Variants in ANKS1B observed in about 807,000 individuals in gnomAD.
The protein encoded by ANKS1B is ankyrin repeat and sterile alpha motif domain containing 1B.
In ANKS1B, 36 loss-of-function variants were observed where a neutral mutation model predicts 148.3. The ratio of observed to expected loss-of-function variants is 0.24; its 90% CI spans 0.19 to 0.32. The LOEUF (loss-of-function observed/expected upper bound fraction) is 0.32. ANKS1B is among the 10% of genes least tolerant of loss of function. The probability of loss-of-function intolerance (pLI) is 1.00; values close to 1 mark genes in which losing one functional copy is unlikely to be tolerated. For missense variants in ANKS1B, 1,157 were observed against 1,542.6 expected, an observed-to-expected ratio of 0.75 and a Z score of 4.19; for synonymous variants, 542 against 560.8, an observed-to-expected ratio of 0.97 and a Z score of 0.47.
chr12:99,091,826 C>T (rs2054105154), intron 15 of ANKS1B, among the ~76,000 whole-genome samples: 1 of 152,052 alleles, frequency 6.6e-6, no homozygotes, highest in Non-Finnish European at 1.5e-5. Context: ...TAGCTTGTTC[C>T]CATAGCTGAT....
intron 25 of ANKS1B, among the ~76,000 whole-genome samples, chr12:98,756,084 C>T (rs1217558587): frequency 6.6e-6 from 1 of 152,178 alleles, no homozygotes; most frequent in Non-Finnish European, 1.5e-5. Context: ...GATGCGGTGA[C>T]TCACGCCTGT....
At chr12:98,780,966 T>A in intron 24 of ANKS1B, 151 bp downstream of exon 24, 1 of 580,830 alleles carries the variant, frequency 1.7e-6, no homozygotes, top group Non-Finnish European at 3.1e-6. Flanking sequence ...TACATGAGCG[T>A]GTATCTATAG....
intron 8 of ANKS1B, among the ~76,000 whole-genome samples, chr12:99,733,487 C>T (rs970823439): frequency 6.6e-6 from 1 of 152,162 alleles, no homozygotes; most frequent in African/African-American, 2.4e-5. Context: ...GCAAAGCTAA[C>T]ATTTGAGGAG....
intron 12 of ANKS1B, among the ~76,000 whole-genome samples, chr12:99,326,764 T>A (rs1390187198): frequency 1.3e-5 from 2 of 151,422 alleles, no homozygotes; most frequent in East Asian, 3.9e-4. Context: ...ACCTGATATA[T>A]GGCACTTGAT....
At chr12:99,359,585 A>G (rs2092321708) in intron 12 of ANKS1B, among the ~76,000 whole-genome samples, 1 of 152,114 alleles carries the variant, frequency 6.6e-6, no homozygotes, top group African/African-American at 2.4e-5. Context: ...ATGTTCCTTT[A>G]AATGAATGAT....
intron 11 of ANKS1B, among the ~76,000 whole-genome samples, chr12:99,406,173 T>A (rs1363066164): frequency 6.9e-6 from 1 of 145,500 alleles, no homozygotes; most frequent in Non-Finnish European, 1.5e-5. Flanking sequence ...TCAAATGGGC[T>A]TAATAGGTAT....
intron 10 of ANKS1B, among the ~76,000 whole-genome samples, chr12:99,452,315 T>C (rs1336514799): frequency 6.6e-6 from 1 of 152,208 alleles, no homozygotes; most frequent in East Asian, 1.9e-4. Flanking sequence ...TTCCCTTTTA[T>C]GGACAGACCT....
At chr12:99,040,269 C>CGT (rs1463716902) in intron 17 of ANKS1B, among the ~76,000 whole-genome samples, 8 of 151,012 alleles carry the variant, frequency 5.3e-5, no homozygotes, top group East Asian at 4.0e-4. Context: ...TCTCTATGTG[C>CGT]GTGTGCGTGT....
chr12:99,900,912 C>T (rs182823348), intron 1 of ANKS1B, among the ~76,000 whole-genome samples: 12 of 152,298 alleles, frequency 7.9e-5, no homozygotes, highest in Middle Eastern at 3.4e-3. Context: ...AAATTTCAGA[C>T]CAGCATTTTG....
At chr12:98,951,060 T>A (rs1183799562) in intron 17 of ANKS1B, among the ~76,000 whole-genome samples, 3 of 152,188 alleles carry the variant, frequency 2.0e-5, no homozygotes, top group Non-Finnish European at 4.4e-5. Flanking sequence ...CATGCAGAAT[T>A]TCACATATAT....
intron 19 of ANKS1B, among the ~76,000 whole-genome samples, chr12:98,824,617 G>A (rs2099232330): frequency 6.6e-6 from 1 of 152,050 alleles, no homozygotes; most frequent in Non-Finnish European, 1.5e-5. Context: ...CACATAACTC[G>A]GTCCAGGTCA....
At chr12:99,072,707 C>T (rs185525490) in intron 16 of ANKS1B, among the ~76,000 whole-genome samples, 29 of 152,270 alleles carry the variant, frequency 1.9e-4, no homozygotes, top group African/African-American at 6.5e-4. Flanking sequence ...CTAGTTTATC[C>T]ACCTAAAACA....
chr12:99,964,138 T>C (rs2095455041), intron 1 of ANKS1B, among the ~76,000 whole-genome samples: 1 of 152,094 alleles, frequency 6.6e-6, no homozygotes, highest in African/African-American at 2.4e-5. Context: ...AAAAAGCCCA[T>C]TAAAGAATGC....
intron 12 of ANKS1B, among the ~76,000 whole-genome samples, chr12:99,331,848 T>C (rs561342505): frequency 2.0e-5 from 3 of 152,004 alleles, no homozygotes; most frequent in East Asian, 1.9e-4. Flanking sequence ...AGAGAGCTTA[T>C]GTAGAGAAAA....
chr12:99,024,262 C>T (rs1320659471), intron 17 of ANKS1B, among the ~76,000 whole-genome samples: 1 of 152,030 alleles, frequency 6.6e-6, no homozygotes, highest in Non-Finnish European at 1.5e-5. Context: ...TTTTAAAGTA[C>T]CTATTTCTCA....
intron 12 of ANKS1B, among the ~76,000 whole-genome samples, chr12:99,358,951 G>C (rs145292248): frequency 3.3e-5 from 5 of 152,178 alleles, no homozygotes; most frequent in African/African-American, 1.2e-4. Flanking sequence ...GTACAGCCAT[G>C]GGGGAGAAAG....
chr12:99,134,645 T>TCTCACACACA (rs1380319841), intron 15 of ANKS1B, among the ~76,000 whole-genome samples: 15 of 105,104 alleles, frequency 1.4e-4, no homozygotes, highest in South Asian at 6.8e-4. Context: ...TCTCTCTCTC[T>TCTCACACACA]CACACACACA....
chr12:99,723,643 C>T (rs1000897952), intron 8 of ANKS1B, among the ~76,000 whole-genome samples: 1 of 152,192 alleles, frequency 6.6e-6, no homozygotes, highest in Non-Finnish European at 1.5e-5. Flanking sequence ...AAGGGATAGT[C>T]AAAGAGCTTC....
At chr12:99,770,246 T>C (rs984611925) in intron 8 of ANKS1B, among the ~76,000 whole-genome samples, 3 of 152,198 alleles carry the variant, frequency 2.0e-5, no homozygotes, top group Non-Finnish European at 4.4e-5. Context: ...AGTTCTTATT[T>C]ATTCAGTGTT....
Sources: gnomAD v4.1 joint callset for allele counts (sites outside exome capture counted in the v4.1 genomes callset) on GRCh38, gnomAD v4.1.1 for gene constraint, MANE v1.5 for transcripts, NCBI Gene and HGNC (gene_info 2026-07-23, HGNC 2026-07-21) for gene names.